Variants in AMZ1 observed in about 807,000 individuals in gnomAD.
AMZ1 encodes the protein archaemetzincin-1.
In AMZ1, 39 loss-of-function variants were observed where a neutral mutation model predicts 29.9. The observed-to-expected ratio is 1.30, with a 90% CI of 1.01 to 1.70. The LOEUF (loss-of-function observed/expected upper bound fraction) is 1.70, where lower values mean the gene tolerates loss of function less well. Among genes scored for constraint, AMZ1 ranks in the 40% most tolerant of loss-of-function variants. The pLI is 0.00. For missense variants in AMZ1, 1,041 were observed against 680.6 expected (o/e 1.53, Z -5.89); for synonymous variants, 458 against 304.0 (o/e 1.51, Z -5.27).
chr7:2,740,475 G>A (rs1387455116), intron 4 of AMZ1, among the ~76,000 whole-genome samples: 1 of 152,126 alleles, frequency 6.6e-6, no homozygotes, highest in Non-Finnish European at 1.5e-5. Flanking sequence ...AGAACCTGAT[G>A]GTGCTGCCAC....
In AMZ1 at chr7:2,713,201, C is replaced by T. The variant is rs894161657; in HGVS notation, c.*323C>T. 39 of 218,528 alleles carry T rather than the reference C, an allele frequency of 1.8e-4. No individual in the cohort carries two copies. Among genetic ancestry groups the T allele is most frequent in the African/African-American group, 8.4e-4 (37 of 43,886 alleles). 13.5% of individuals were successfully genotyped at this position (218,528 alleles called of 1,614,324 possible). ...AGGCTGCAGTGGGATGTGATCATAC[C>T]ACTGTACTGCAGTCTGGGCCACACA... On this transcript the variant is annotated 3_prime_UTR_variant, in exon 7 of 7. Coordinates refer to ENST00000683327, the MANE Select transcript of AMZ1 (RefSeq NM_001384743.1).
intron 4 of AMZ1, among the ~76,000 whole-genome samples, chr7:2,726,223 C>A (rs900730567): frequency 6.6e-6 from 1 of 152,214 alleles, no homozygotes; most frequent in East Asian, 1.9e-4. Flanking sequence ...CTTAAATCAC[C>A]AAAGAAAACC....
At chr7:2,756,670 A>T (rs1791313013) in intron 4 of AMZ1, among the ~76,000 whole-genome samples, 1 of 152,216 alleles carries the variant, frequency 6.6e-6, no homozygotes, top group African/African-American at 2.4e-5. Flanking sequence ...TTAGGAAAAG[A>T]TTTCTGTGCT....
intron 4 of AMZ1, among the ~76,000 whole-genome samples, chr7:2,732,616 A>G (rs1002638225): frequency 6.6e-6 from 1 of 152,214 alleles, no homozygotes; most frequent in Admixed American, 6.5e-5. Context: ...CACACCACTC[A>G]GGCAGCTTCT....
intron 4 of AMZ1, among the ~76,000 whole-genome samples, chr7:2,738,761 A>C (rs1385142238): frequency 6.6e-6 from 1 of 152,234 alleles, no homozygotes; most frequent in Non-Finnish European, 1.5e-5. Context: ...CCCAAATTAA[A>C]GCAAATGAAC....
At chr7:2,739,271 A>G (rs7776715) in intron 4 of AMZ1, among the ~76,000 whole-genome samples, 27,037 of 152,186 alleles carry the variant, frequency 0.18, 2,436 homozygotes, top group Non-Finnish European at 0.2. Flanking sequence ...TCTACAGCCT[A>G]TCAGCCGCCA....
chr7:2,762,896 G>A, upstream of AMZ1: 1 of 1,425,452 alleles, frequency 7.0e-7, no homozygotes, highest in Non-Finnish European at 9.2e-7. Context: ...CATTGGTGCT[G>A]CGGCGGGGAG....
At chr7:2,705,301 A>G (rs981045666) in intron 3 of AMZ1, among the ~76,000 whole-genome samples, 1 of 151,612 alleles carries the variant, frequency 6.6e-6, no homozygotes, top group East Asian at 1.9e-4. Context: ...CATCCTGCCC[A>G]CTCCCCCACC....
At position 2,702,716 on chromosome 7, in the gene AMZ1, C is replaced by T. The variant is rs189960651; in HGVS notation, c.305-6C>T. ...CGCAGGGCTGACGGTGCTGCTCTCC[C>T]ACCAGACCTGAGCGAGGAGCCGGTG... is the stretch of plus-strand genomic sequence containing the variant. On this transcript the variant is annotated splice_region_variant and splice_polypyrimidine_tract_variant and intron_variant, in intron 2 of 6. Coordinates refer to ENST00000683327, the MANE Select transcript of AMZ1 (RefSeq NM_001384743.1). 325 of 1,531,196 alleles carry T rather than the reference C, an allele frequency of 2.1e-4. 4 individuals carry two copies. The East Asian group carries it at 6.9e-3, about 32-fold the overall frequency. 94.9% of individuals were successfully genotyped at this position (1,531,196 alleles called of 1,614,324 possible).
At chr7:2,691,708 G>A (rs867633936) in intron 1 of AMZ1, among the ~76,000 whole-genome samples, 4 of 128,860 alleles carry the variant, frequency 3.1e-5, no homozygotes, top group South Asian at 2.3e-4. Flanking sequence ...TCTAACCTGG[G>A]TGACAGAGCA....
chr7:2,705,017 G>A (rs1357394756), intron 3 of AMZ1, among the ~76,000 whole-genome samples: 1 of 152,194 alleles, frequency 6.6e-6, no homozygotes, highest in Non-Finnish European at 1.5e-5. Context: ...GTGCCCATGT[G>A]CCTGTATTTG....
intron 4 of AMZ1, among the ~76,000 whole-genome samples, chr7:2,753,937 C>T (rs1003445023): frequency 1.3e-5 from 2 of 152,132 alleles, no homozygotes; most frequent in East Asian, 1.9e-4. Context: ...AATCCGACCA[C>T]GAGCTCTGTA....
At chr7:2,688,598 C>A (rs1787194002) in intron 1 of AMZ1, among the ~76,000 whole-genome samples, 1 of 152,316 alleles carries the variant, frequency 6.6e-6, no homozygotes, top group Admixed American at 6.5e-5. Flanking sequence ...GCCAGGGCGA[C>A]CTGCGCGCTT....
At position 2,713,407 on chromosome 7, in the gene AMZ1, A is replaced by G. The variant is rs553188579; in HGVS notation, c.*529A>G. The G allele has an allele frequency of 4.6e-5, 7 of 152,606 alleles. No individual in the cohort carries two copies. Among genetic ancestry groups the G allele is most frequent in the African/African-American group, 1.7e-4 (7 of 41,550 alleles). The allele number at this position is 152,606 out of a possible 1,614,324, so 9.5% of individuals were successfully genotyped here. A position where few individuals can be genotyped will look rare whatever the true frequency, so the allele number is the denominator to read the frequency against. ...CAAGCCGGACTGTGCTGAGGTTGGGACAGAGCCCCCTCCCCTGCAGAGGCA... is the reference window on the plus strand; with the variant it reads ...CAAGCCGGACTGTGCTGAGGTTGGGGCAGAGCCCCCTCCCCTGCAGAGGCA... On this transcript the variant is annotated 3_prime_UTR_variant, in exon 7 of 7. Transcript: ENST00000683327.
At chr7:2,721,574 G>A (rs1237801283), downstream of AMZ1, among the ~76,000 whole-genome samples, 1 of 152,150 alleles carries the variant, frequency 6.6e-6, no homozygotes, top group East Asian at 1.9e-4. Flanking sequence ...AAATTAGCCA[G>A]GTGTGGTGTC....
At chr7:2,749,349 T>A (rs1032304214) in intron 4 of AMZ1, among the ~76,000 whole-genome samples, 2 of 152,162 alleles carry the variant, frequency 1.3e-5, no homozygotes, top group African/African-American at 2.4e-5. Flanking sequence ...TGATGAGTTC[T>A]TGTCCTTTGT....
chr7:2,690,606 G>C (rs111375184), intron 1 of AMZ1, among the ~76,000 whole-genome samples: 2,587 of 152,220 alleles, frequency 0.017, 40 homozygotes, highest in Non-Finnish European at 0.028. Context: ...CTGGGTTTCC[G>C]ATGTAGATGC....
At chr7:2,708,233 G>T (rs1200839577) in intron 3 of AMZ1, among the ~76,000 whole-genome samples, 1 of 152,162 alleles carries the variant, frequency 6.6e-6, no homozygotes, top group African/African-American at 2.4e-5. Context: ...GGACTCACAG[G>T]TCCCAGGGCT....
chr7:2,713,135 A>G lies in AMZ1; in HGVS notation c.*257A>G. The G allele has an allele frequency of 2.9e-6, 1 of 340,468 alleles. No homozygotes were observed. The highest frequency in any genetic ancestry group is 5.2e-6 in the Non-Finnish European group (1 of 190,832). 21.1% of individuals were successfully genotyped at this position (340,468 alleles called of 1,614,324 possible). On this transcript the variant is annotated 3_prime_UTR_variant, in exon 7 of 7. Coordinates refer to ENST00000683327, the MANE Select transcript of AMZ1 (RefSeq NM_001384743.1). ...TTCATGCCTGTGTTCCCAGCTATTC[A>G]GGAGGCTGAGGTGGGAGGATTGCTT...
Sources: allele counts gnomAD v4.1 joint callset (sites outside exome capture counted in the v4.1 genomes callset), GRCh38; gene constraint gnomAD v4.1.1; transcripts MANE v1.5; gene names NCBI Gene and HGNC (gene_info 2026-07-23, HGNC 2026-07-21).